Variants in PPM1D observed in about 807,000 individuals in gnomAD.
PPM1D encodes the protein protein phosphatase 1D.
Under a neutral mutation model 58.3 loss-of-function variants are expected in PPM1D, and 52 were observed. The ratio of observed to expected loss-of-function variants is 0.89; its 90% CI spans 0.71 to 1.12. The LOEUF (loss-of-function observed/expected upper bound fraction) is 1.12. Ranked by LOEUF, PPM1D falls within the 50% of genes most tolerant of loss-of-function variation. The pLI is 0.00. For synonymous variants in PPM1D, 278 were observed against 285.1 expected, an observed-to-expected ratio of 0.98 and a Z score of 0.25; for missense variants, 564 against 777.2, an observed-to-expected ratio of 0.73 and a Z score of 3.26.
At chr17:60,621,936 C>T (rs2030713218) in intron 1 of PPM1D, among the ~76,000 whole-genome samples, 1 of 148,552 alleles carries the variant, frequency 6.7e-6, no homozygotes, top group Admixed American at 6.7e-5. Context: ...GCCTGTAATC[C>T]CAACACTTTG....
chr17:60,641,261 A>G (rs1030726888), intron 3 of PPM1D, among the ~76,000 whole-genome samples: 3 of 152,076 alleles, frequency 2.0e-5, no homozygotes, highest in Non-Finnish European at 4.4e-5. Context: ...CAGCATTGTC[A>G]TTTATTGGCT....
At position 60,600,496 on chromosome 17, in the gene PPM1D, G is replaced by A. The variant is rs756726983; in HGVS notation, c.82G>A (p.Val28Ile). The A allele has an allele frequency of 6.4e-7, 1 of 1,572,632 alleles. No homozygotes were observed. Among genetic ancestry groups the A allele is most frequent in the Admixed American group, 1.9e-5 (1 of 52,772 alleles). Residue 28 changes from valine (V) to isoleucine (I), a missense_variant, in exon 1 of 6, where the codon GTT (valine) becomes ATT (isoleucine). Val to Ile is a conservative substitution (Grantham distance 29, BLOSUM62 3). Around this residue, in one of 7 missense-constraint regions of PPM1D, gnomAD observed 132 missense variants for 150.4 expected, o/e 0.88. Coordinates refer to ENST00000305921, the MANE Select transcript of PPM1D (RefSeq NM_003620.4). ...RKYMEDVTQIVVEPEPTAEEK... is the reference protein window; with the variant it reads ...RKYMEDVTQIIVEPEPTAEEK... ...GTACATGGAGGACGTTACTCAAATC[G>A]TTGTGGAGCCCGAACCGACGGCTGA...
chr17:60,616,307 A>G (rs1000201530), intron 1 of PPM1D, among the ~76,000 whole-genome samples: 12 of 151,748 alleles, frequency 7.9e-5, no homozygotes, highest in African/African-American at 2.9e-4. Context: ...AAAAAAGGAA[A>G]ACTAAAAAGA....
chr17:60,629,172 A>G (rs2030870923), intron 2 of PPM1D, among the ~76,000 whole-genome samples: 1 of 152,192 alleles, frequency 6.6e-6, no homozygotes, highest in African/African-American at 2.4e-5. Flanking sequence ...CCTGAATGGA[A>G]TTGCATCTTG....
At chr17:60,627,886 AT>A (rs994526232) in intron 2 of PPM1D, among the ~76,000 whole-genome samples, 249 of 142,416 alleles carry the variant, frequency 1.7e-3, no homozygotes, top group Non-Finnish European at 1.8e-3. Context: ...TTGAATAGAA[AT>A]TTTTTTTTTT....
At chr17:60,605,706 CA>C (rs1442007626) in intron 1 of PPM1D, among the ~76,000 whole-genome samples, 1 of 152,190 alleles carries the variant, frequency 6.6e-6, no homozygotes. Flanking sequence ...AGTTTGAGAT[CA>C]GCCTGGCCAA....
intron 3 of PPM1D, among the ~76,000 whole-genome samples, chr17:60,634,441 C>T (rs560704358): frequency 6.6e-6 from 1 of 152,218 alleles, no homozygotes; most frequent in Admixed American, 6.5e-5. Context: ...GTATATAATT[C>T]ACTGACAGTT....
intron 1 of PPM1D, among the ~76,000 whole-genome samples, chr17:60,613,674 G>C (rs572968476): frequency 6.6e-6 from 1 of 152,248 alleles, no homozygotes; most frequent in African/African-American, 2.4e-5. Context: ...GCGAGTTCCA[G>C]GTGGGCATGG....
chr17:60,656,860 T>G lies in PPM1D; in HGVS notation c.1260+19T>G, dbSNP rs375859165. 7.7e-5 allele frequency: 124 copies of G among 1,613,462 alleles called. No individual in the cohort carries two copies. In the African/African-American group the frequency reaches 1.4e-3, roughly 18 times the overall value. On this transcript the variant is annotated intron_variant, in intron 5 of 5. Coordinates refer to ENST00000305921, the MANE Select transcript of PPM1D (RefSeq NM_003620.4). ...AGTCAAGGTATATAGTTCCATAGTT[T>G]TTAAGTTATGTTTTAATAGACACCA...
chr17:60,624,323 C>CTTTTT (rs1159708771), intron 2 of PPM1D, among the ~76,000 whole-genome samples: 1 of 152,074 alleles, frequency 6.6e-6, no homozygotes, highest in Admixed American at 6.6e-5. Context: ...TAAAAATTAT[C>CTTTTT]TCAATACTAA....
intron 3 of PPM1D, among the ~76,000 whole-genome samples, chr17:60,640,021 G>A: frequency 6.6e-6 from 1 of 152,166 alleles, no homozygotes; most frequent in Non-Finnish European, 1.5e-5. Flanking sequence ...ATAGGCAGTG[G>A]TAAATAATCA....
intron 4 of PPM1D, among the ~76,000 whole-genome samples, chr17:60,652,224 A>G (rs903140293): frequency 3.3e-5 from 5 of 152,248 alleles, no homozygotes; most frequent in African/African-American, 1.2e-4. Flanking sequence ...TAGCTGCCAC[A>G]TATGAGTGAG....
In PPM1D at chr17:60,618,129, T is replaced by C. The variant is rs183630156; in HGVS notation, c.473-5392T>C. ...CATTTTCATGTTGAACAACTTGGGC[T>C]GTTGCCCATTTGTAGCCCTTATTAT... On this transcript the variant is annotated intron_variant, in intron 1 of 5. Transcript: ENST00000305921. 2.6e-5 allele frequency among the ~76,000 whole-genome samples: 4 copies of C among 152,336 alleles called. No homozygotes were observed. The East Asian group carries it at 7.7e-4, about 29-fold the overall frequency.
At chr17:60,611,175 C>G (rs2030446268) in intron 1 of PPM1D, among the ~76,000 whole-genome samples, 2 of 151,928 alleles carry the variant, frequency 1.3e-5, no homozygotes, top group African/African-American at 4.8e-5. Flanking sequence ...GCATGCACCA[C>G]CACCCCAGCT....
At chr17:60,643,145 C>T (rs964702355) in intron 3 of PPM1D, among the ~76,000 whole-genome samples, 2 of 151,874 alleles carry the variant, frequency 1.3e-5, no homozygotes, top group Admixed American at 6.6e-5. Context: ...TTTGGGAGGC[C>T]GAGGTGGGTG....
rs1174606433 is a variant in PPM1D at position 60,663,320 on chromosome 17, C to T, written c.1586C>T (p.Thr529Ile). Reference sequence around the variant, plus strand: ...ATGAAAGCCCAAGAAATTGAAAGAACCCCTCCAACAAACTTTAAAAGGACA... The same window carrying T: ...ATGAAAGCCCAAGAAATTGAAAGAATCCCTCCAACAAACTTTAAAAGGACA... ...GQMKAQEIER[T>I]PPTNFKRTLE... is the part of the protein sequence containing the mutation. Residue 529 changes from threonine to isoleucine, a missense_variant, in exon 6 of 6, where the codon ACC becomes ATC. By Grantham distance (89) the Thr-to-Ile change is moderately conservative (BLOSUM62 -1). This residue lies in a region of PPM1D where 261 missense variants were observed against 270.1 expected (regional missense o/e 0.97). Coordinates refer to ENST00000305921, the MANE Select transcript of PPM1D (RefSeq NM_003620.4). 1.2e-6 allele frequency: 2 copies of T among 1,614,148 alleles called. No homozygotes were observed. The highest frequency in any genetic ancestry group is 1.7e-6 in the Non-Finnish European group (2 of 1,180,024).
intron 4 of PPM1D, among the ~76,000 whole-genome samples, chr17:60,655,110 A>G (rs2031413038): frequency 6.6e-6 from 1 of 152,120 alleles, no homozygotes; most frequent in African/African-American, 2.4e-5. Context: ...TTATTGTATT[A>G]CTTTTTCCTC....
rs1387315862 is a variant in PPM1D, at chr17:60,627,610, C to G, written c.701+3861C>G. On this transcript the variant is annotated intron_variant, in intron 2 of 5. Coordinates refer to ENST00000305921, the MANE Select transcript of PPM1D (RefSeq NM_003620.4). Reference sequence around the variant, plus strand: ...CTAATTTTTGTATTTTTAGTAGAAACGGGGTTTCACCGTTTTGGTCAGGCT... The same window carrying G: ...CTAATTTTTGTATTTTTAGTAGAAAGGGGGTTTCACCGTTTTGGTCAGGCT... Among the ~76,000 whole-genome samples the G allele has an allele frequency of 2.0e-5, 3 of 151,852 alleles. No individual in the cohort carries two copies. The East Asian group carries it at 5.8e-4, about 29-fold the overall frequency.
chr17:60,633,190 C>T (rs1234730067), intron 2 of PPM1D, among the ~76,000 whole-genome samples: 1 of 152,014 alleles, frequency 6.6e-6, no homozygotes, highest in African/African-American at 2.4e-5. Context: ...GAGGCTTAGG[C>T]AGGAGAATCG....
Sources: gnomAD v4.1 joint callset for allele counts (sites outside exome capture counted in the v4.1 genomes callset) on GRCh38, gnomAD v4.1.1 for gene constraint, gnomAD v4.1.1 regional missense constraint, MANE v1.5 for transcripts, NCBI Gene and HGNC (gene_info 2026-07-23, HGNC 2026-07-21) for gene names.